The following ACOT12 variants were observed in gnomAD, a reference collection of about 807,000 sequenced individuals.
ACOT12 encodes acyl-CoA thioesterase 12, also known as acetyl-coenzyme A thioesterase.
Under a neutral mutation model 67.7 loss-of-function variants are expected in ACOT12, and 51 were observed. The ratio of observed to expected loss-of-function variants is 0.75; its 90% CI spans 0.60 to 0.95. The LOEUF (loss-of-function observed/expected upper bound fraction) is 0.95, where lower values mean the gene tolerates loss of function less well. Among genes scored for constraint, ACOT12 ranks in the 40% least tolerant of loss-of-function variants. The pLI is 0.00. For missense variants in ACOT12, 734 were observed against 708.1 expected (o/e 1.04, Z -0.41); for synonymous variants, 251 against 244.6 (o/e 1.03, Z -0.24).
chr5:81,384,112 G>A (rs1760662414), intron 2 of ACOT12, among the ~76,000 whole-genome samples: 1 of 144,098 alleles, frequency 6.9e-6, no homozygotes, highest in Admixed American at 7.4e-5. Context: ...CCCTACATAG[G>A]TGTACTTTTT....
At chr5:81,393,916 C>G (rs898032322) in intron 1 of ACOT12, 72 bp downstream of exon 1, 89 of 1,273,490 alleles carry the variant, frequency 7.0e-5, no homozygotes, top group South Asian at 6.6e-4. Flanking sequence ...TTCCTACCCC[C>G]CCCAGCCCCC....
chr5:81,358,028 A>AAAG (rs1285887871), intron 5 of ACOT12, among the ~76,000 whole-genome samples: 12 of 137,090 alleles, frequency 8.8e-5, no homozygotes, highest in East Asian at 1.9e-4. Context: ...AAAAAAAAAA[A>AAAG]AAGAAGAAGA....
chr5:81,342,626 G>A (rs760975829), intron 11 of ACOT12, 46 bp downstream of exon 11: 15 of 1,587,370 alleles, frequency 9.4e-6, no homozygotes, highest in Non-Finnish European at 1.2e-5. Context: ...CACAGCTTTC[G>A]TTTGTGATGG....
At chr5:81,360,730 A>C (rs1030307325) in intron 4 of ACOT12, among the ~76,000 whole-genome samples, 3 of 152,124 alleles carry the variant, frequency 2.0e-5, no homozygotes, top group Non-Finnish European at 2.9e-5. Flanking sequence ...AGATACTCAA[A>C]GTCTGGTACG....
At position 81,342,737 on chromosome 5, in the gene ACOT12, T is replaced by C. The variant is rs994839608; in HGVS notation, c.1063A>G (p.Asn355Asp). The change falls in exon 11 of 15, where the codon AAT becomes GAT. Residue 355 changes from asparagine (N) to aspartate (D), a missense_variant. Physicochemically the swap from Asn to Asp is conservative, Grantham distance 23. Transcript: ENST00000307624. ...GCCAGTTTTTTGAGGGCCTCCACAT[T>C]GCTGTCACTCAGGGATGCCTAGAAT... ...ISKQASLSDS[N>D]VEALKKLAAK... The C allele has an allele frequency of 6.2e-7, 1 of 1,613,994 alleles. No individual in the cohort carries two copies. The highest frequency in any genetic ancestry group is 1.3e-5 in the African/African-American group (1 of 74,908).
intron 5 of ACOT12, among the ~76,000 whole-genome samples, chr5:81,354,687 A>G (rs1357965131): frequency 1.3e-5 from 2 of 149,788 alleles, no homozygotes; most frequent in African/African-American, 4.9e-5. Flanking sequence ...CTCAATAATT[A>G]TTTTTATCAA....
the ACOT12 span, among the ~76,000 whole-genome samples, chr5:81,318,996 G>T: frequency 6.6e-6 from 1 of 151,856 alleles, no homozygotes; most frequent in Non-Finnish European, 1.5e-5. Flanking sequence ...CACAGCAACT[G>T]TAATTGTGAG....
At chr5:81,326,073 C>T (rs1214843432), downstream of ACOT12, among the ~76,000 whole-genome samples, 11 of 146,564 alleles carry the variant, frequency 7.5e-5, no homozygotes, top group Non-Finnish European at 1.6e-4. Flanking sequence ...TTCAAAAGTG[C>T]TGGGATTATA....
At chr5:81,331,846 T>C (rs556948839) in intron 13 of ACOT12, among the ~76,000 whole-genome samples, 2 of 152,376 alleles carry the variant, frequency 1.3e-5, no homozygotes, top group East Asian at 3.9e-4. Context: ...TCAGTCCCAC[T>C]ATAGCTCCTT....
chr5:81,341,379 A>G (rs180909284), intron 11 of ACOT12, among the ~76,000 whole-genome samples: 88 of 152,380 alleles, frequency 5.8e-4, no homozygotes, highest in African/African-American at 2.0e-3. Context: ...GAAACGAATC[A>G]ATGAAGTAGC....
chr5:81,342,869 G>T, intron 10 of ACOT12, 114 bp from the exon 11 acceptor site: 1 of 1,073,624 alleles, frequency 9.3e-7, no homozygotes, highest in Non-Finnish European at 1.4e-6. Context: ...TTGAGTCCTA[G>T]TGATAATGTT....
the ACOT12 span, among the ~76,000 whole-genome samples, chr5:81,322,247 A>G: frequency 6.6e-6 from 1 of 152,194 alleles, no homozygotes; most frequent in Non-Finnish European, 1.5e-5. Flanking sequence ...GCAGAACCAT[A>G]AAATAAGGAG....
chr5:81,391,122 A>G lies in ACOT12; in HGVS notation c.127+2866T>C, dbSNP rs531477371. On this transcript the variant is annotated intron_variant, in intron 1 of 14. Transcript: ENST00000307624. The stretch of plus-strand genomic sequence containing the variant: ...ACTATTTTCAGTTCTTTTGGCCTCA[A>G]CCAGGAGGTTTGGAGTCTGTCCTAT... Among the ~76,000 whole-genome samples the G allele has an allele frequency of 2.1e-3, 318 of 152,346 alleles. 5 individuals are homozygous for G. Among genetic ancestry groups the G allele is most frequent in the Non-Finnish European group, 1.4e-3 (92 of 68,028 alleles).
chr5:81,358,083 G>A (rs1328379531), intron 5 of ACOT12, among the ~76,000 whole-genome samples: 1 of 150,408 alleles, frequency 6.6e-6, no homozygotes, highest in Non-Finnish European at 1.5e-5. Flanking sequence ...AATTCTGGTT[G>A]TTTAGTGGCT....
intron 12 of ACOT12, among the ~76,000 whole-genome samples, chr5:81,334,959 G>T (rs1408915983): frequency 6.6e-6 from 1 of 152,170 alleles, no homozygotes; most frequent in Non-Finnish European, 1.5e-5. Flanking sequence ...GAGCAGGAAG[G>T]CATGCCTTTC....
At chr5:81,330,598 C>A in intron 14 of ACOT12, 55 bp from the exon 15 acceptor site, 1 of 1,587,364 alleles carries the variant, frequency 6.3e-7, no homozygotes, top group Non-Finnish European at 8.6e-7. Flanking sequence ...GGAGCTTTTT[C>A]AAGAAAGGAT....
intron 6 of ACOT12, among the ~76,000 whole-genome samples, chr5:81,346,491 A>G (rs1045372120): frequency 2.6e-5 from 4 of 152,256 alleles, no homozygotes; most frequent in Admixed American, 6.5e-5. Flanking sequence ...ATTGCTACAT[A>G]AAGCCTGAAA....
chr5:81,342,234 TC>T (rs1759218551), intron 11 of ACOT12, among the ~76,000 whole-genome samples: 1 of 152,168 alleles, frequency 6.6e-6, no homozygotes, highest in East Asian at 1.9e-4. Context: ...CAAGGGATCC[TC>T]CTGCCTTGGC....
At chr5:81,311,259 G>T in the ACOT12 span, 2 of 1,613,928 alleles carry the variant, frequency 1.2e-6, no homozygotes, top group South Asian at 2.2e-5. Context: ...AAGAAAGATT[G>T]CCCTGAAAGT....
Sources: allele counts gnomAD v4.1 joint callset (sites outside exome capture counted in the v4.1 genomes callset), GRCh38; gene constraint gnomAD v4.1.1; transcripts MANE v1.5; gene names NCBI Gene and HGNC (gene_info 2026-07-23, HGNC 2026-07-21).